TNFSF4: variants seen among roughly 807,000 people sequenced by gnomAD.
TNFSF4 encodes tumor necrosis factor ligand superfamily member 4.
In TNFSF4, 4 loss-of-function variants were observed where a neutral mutation model predicts 7.3. The ratio of observed to expected loss-of-function variants is 0.55; its 90% CI spans 0.27 to 1.25. The LOEUF is 1.25. Among genes scored for constraint, TNFSF4 ranks in the 50% most tolerant of loss-of-function variants. TNFSF4 has a pLI of 0.12. For synonymous variants in TNFSF4, 76 were observed against 83.7 expected (o/e 0.91, Z 0.50); for missense variants, 181 against 208.8 (o/e 0.87, Z 0.82).
At chr1:173,264,317 CTTTTTTTTT>C in the TNFSF4 span, among the ~76,000 whole-genome samples, 1 of 110,538 alleles carries the variant, frequency 9.0e-6, no homozygotes, top group Non-Finnish European at 1.7e-5. Context: ...CTGGCTTCTT[CTTTTTTTTT>C]TTTTTTTTTT....
At chr1:173,342,018 T>C in the TNFSF4 span, among the ~76,000 whole-genome samples, 1 of 152,130 alleles carries the variant, frequency 6.6e-6, no homozygotes, top group East Asian at 1.9e-4. Flanking sequence ...AGCACAGTGT[T>C]GGACTTTCTG....
chr1:173,280,365 G>C, the TNFSF4 span, among the ~76,000 whole-genome samples: 1 of 152,108 alleles, frequency 6.6e-6, no homozygotes, highest in South Asian at 2.1e-4. Context: ...TTCAAGGTCT[G>C]TGTCCTTCAT....
chr1:173,300,099 G>GTAGATAGA, the TNFSF4 span, among the ~76,000 whole-genome samples: 2,082 of 147,826 alleles, frequency 0.014, 19 homozygotes, highest in Middle Eastern at 0.014. Flanking sequence ...AAAATAGATG[G>GTAGATAGA]TAGATAGATA....
intron 2 of TNFSF4, among the ~76,000 whole-genome samples, chr1:173,188,107 A>G (rs1013000412): frequency 2.6e-5 from 4 of 152,202 alleles, no homozygotes; most frequent in African/African-American, 4.8e-5. Context: ...TTTTTATTCT[A>G]TCAAGGGCTT....
intron 1 of TNFSF4, among the ~76,000 whole-genome samples, chr1:173,202,014 G>C (rs888079971): frequency 6.6e-6 from 1 of 151,372 alleles, no homozygotes; most frequent in Non-Finnish European, 1.5e-5. Flanking sequence ...CCTGAAGTGG[G>C]GTAAGCTGTC....
At chr1:173,412,117 G>A in the TNFSF4 span, among the ~76,000 whole-genome samples, 800 of 119,942 alleles carry the variant, frequency 6.7e-3, no homozygotes, top group African/African-American at 7.1e-3. Flanking sequence ...TCCATCTCAA[G>A]AAAAAAAAAA....
the TNFSF4 span, among the ~76,000 whole-genome samples, chr1:173,377,269 T>C: frequency 6.6e-6 from 1 of 152,206 alleles, no homozygotes; most frequent in Admixed American, 6.5e-5. Context: ...ATTTCGGGGC[T>C]AAATACCGGG....
chr1:173,197,830 TTAAAA>T (rs1187391498), intron 1 of TNFSF4, among the ~76,000 whole-genome samples: 2 of 152,086 alleles, frequency 1.3e-5, no homozygotes, highest in Non-Finnish European at 2.9e-5. Flanking sequence ...ACCCTGGAAC[TTAAAA>T]TAAAAGTTAA....
the TNFSF4 span, among the ~76,000 whole-genome samples, chr1:173,217,819 G>A: frequency 3.3e-5 from 5 of 151,990 alleles, no homozygotes; most frequent in Admixed American, 6.6e-5. Context: ...GCATAATCAC[G>A]ACTCACTGCA....
chr1:173,339,437 G>C, the TNFSF4 span, among the ~76,000 whole-genome samples: 1 of 152,056 alleles, frequency 6.6e-6, no homozygotes, highest in African/African-American at 2.4e-5. Context: ...AATGGGTAGT[G>C]AAAGAAGGAG....
downstream of TNFSF4, among the ~76,000 whole-genome samples, chr1:173,180,212 C>T (rs1363017709): frequency 1.3e-5 from 2 of 152,024 alleles, no homozygotes; most frequent in African/African-American, 2.4e-5. Context: ...TTTTTTATTC[C>T]TGATATATTT....
At chr1:173,274,124 T>TACACACACACACACACACACAC in the TNFSF4 span, among the ~76,000 whole-genome samples, 5 of 145,426 alleles carry the variant, frequency 3.4e-5, no homozygotes, top group African/African-American at 7.6e-5. Flanking sequence ...TCCATGTTCA[T>TACACACACACACACACACACAC]ACACACACAC....
At chr1:173,293,022 C>T in the TNFSF4 span, among the ~76,000 whole-genome samples, 2 of 152,072 alleles carry the variant, frequency 1.3e-5, no homozygotes, top group East Asian at 1.9e-4. Flanking sequence ...ATATTCCATG[C>T]TCATGGATAG....
chr1:173,188,445 T>C (rs1649325253), intron 2 of TNFSF4, 76 bp downstream of exon 2: 7 of 1,171,222 alleles, frequency 6.0e-6, no homozygotes, highest in South Asian at 1.3e-5. Context: ...AGATCTTGTG[T>C]TCTAGAGGAA....
the TNFSF4 span, among the ~76,000 whole-genome samples, chr1:173,326,577 G>A: frequency 6.6e-6 from 1 of 152,110 alleles, no homozygotes; most frequent in East Asian, 1.9e-4. Flanking sequence ...AAGTCAAATT[G>A]TCCCTGTTTG....
At chr1:173,306,456 G>A in the TNFSF4 span, among the ~76,000 whole-genome samples, 1 of 151,930 alleles carries the variant, frequency 6.6e-6, no homozygotes, top group Non-Finnish European at 1.5e-5. Flanking sequence ...GAAGAGGCAT[G>A]GGTAAGCAAA....
chr1:173,353,737 G>T, the TNFSF4 span, among the ~76,000 whole-genome samples: 8 of 152,174 alleles, frequency 5.3e-5, no homozygotes, highest in South Asian at 2.1e-4. Context: ...GGAATCTGGA[G>T]AATCCTATAT....
At chr1:173,428,908 G>A in the TNFSF4 span, among the ~76,000 whole-genome samples, 1 of 152,246 alleles carries the variant, frequency 6.6e-6, no homozygotes, top group East Asian at 1.9e-4. Context: ...TCGGGAGTCT[G>A]AGGCAGGAGA....
chr1:173,193,006 A>G (rs1649546543), intron 1 of TNFSF4, among the ~76,000 whole-genome samples: 1 of 152,234 alleles, frequency 6.6e-6, no homozygotes, highest in African/African-American at 2.4e-5. Flanking sequence ...ATAATACTAT[A>G]TAAACTATAT....
Sources: allele counts gnomAD v4.1 joint callset (sites outside exome capture counted in the v4.1 genomes callset), GRCh38; gene constraint gnomAD v4.1.1; transcripts MANE v1.5; gene names NCBI Gene and HGNC (gene_info 2026-07-23, HGNC 2026-07-21).